Variants in MMD2 observed in about 807,000 individuals in gnomAD.
The protein encoded by MMD2 is monocyte to macrophage differentiation associated 2.
In MMD2, 30 loss-of-function variants were observed where a neutral mutation model predicts 33.5. The observed-to-expected ratio is 0.90, with a 90% CI of 0.67 to 1.22. The LOEUF (loss-of-function observed/expected upper bound fraction) is 1.22, where lower values mean the gene tolerates loss of function less well. MMD2 is among the 50% of genes most tolerant of loss of function. The pLI is 0.00. For missense variants in MMD2, 364 were observed against 325.4 expected, an observed-to-expected ratio of 1.12 and a Z score of -0.91; for synonymous variants, 129 against 123.0, an observed-to-expected ratio of 1.05 and a Z score of -0.32.
chr7:4,958,584 A>ACCGAGCGTAACTGC (rs1786452560), intron 1 of MMD2, among the ~76,000 whole-genome samples: 1 of 152,122 alleles, frequency 6.6e-6, no homozygotes, highest in Non-Finnish European at 1.5e-5. Flanking sequence ...CCCAAGAGAG[A>ACCGAGCGTAACTGC]CCGAGCGTAA....
chr7:4,949,966 G>A (rs67437932), intron 1 of MMD2, among the ~76,000 whole-genome samples: 18,909 of 151,994 alleles, frequency 0.12, 1,456 homozygotes, highest in East Asian at 0.33. Flanking sequence ...TACCATTTCC[G>A]GCTAGGTATT....
intron 4 of MMD2, among the ~76,000 whole-genome samples, chr7:4,915,423 T>G (rs965557271): frequency 4.6e-5 from 7 of 152,034 alleles, no homozygotes; most frequent in Non-Finnish European, 8.8e-5. Context: ...TAGACACATA[T>G]GCATACATAT....
intron 3 of MMD2, among the ~76,000 whole-genome samples, chr7:4,918,550 C>G (rs1216034427): frequency 6.9e-6 from 1 of 145,356 alleles, no homozygotes; most frequent in Non-Finnish European, 1.5e-5. Flanking sequence ...GTGGCACTAT[C>G]TAGACTCACT....
chr7:4,919,524 TACCACTGC>T (rs1785221209), intron 3 of MMD2, among the ~76,000 whole-genome samples: 1 of 151,980 alleles, frequency 6.6e-6, no homozygotes. Context: ...GCTGAGACTG[TACCACTGC>T]ACTCCAGCCT....
intron 1 of MMD2, among the ~76,000 whole-genome samples, chr7:4,931,863 C>T (rs1386715891): frequency 2.0e-5 from 3 of 152,150 alleles, no homozygotes; most frequent in African/African-American, 7.2e-5. Context: ...CCGTGCCCGG[C>T]CTCACAGTAT....
At chr7:4,893,060 T>C in the MMD2 span, among the ~76,000 whole-genome samples, 1 of 152,050 alleles carries the variant, frequency 6.6e-6, no homozygotes. Flanking sequence ...ATAGATCCCA[T>C]CCTATGCACT....
chr7:4,924,148 C>T (rs546363966), intron 2 of MMD2, among the ~76,000 whole-genome samples: 1 of 152,230 alleles, frequency 6.6e-6, no homozygotes, highest in Non-Finnish European at 1.5e-5. Flanking sequence ...GCCGAGATCG[C>T]ACCACTGCAC....
Position 4,946,183 on chromosome 7 carries a change from A to G in MMD2, c.47+12788T>C, listed in dbSNP as rs2344728. ...CGCACACCTGCACACATGCACACACACGCGCGCACACCCACACACACGCAT... is the reference window on the plus strand; with the variant it reads ...CGCACACCTGCACACATGCACACACGCGCGCGCACACCCACACACACGCAT... On this transcript the variant is annotated intron_variant, in intron 1 of 6. Coordinates refer to ENST00000401401, the MANE Select transcript of MMD2 (RefSeq NM_198403.4). This position sits in a 1 kb window ranked among gnomAD's most constrained non-coding sequence, Gnocchi z 5.0. 0.31 allele frequency among the ~76,000 whole-genome samples: 47,456 copies of G among 150,918 alleles called. 7,619 individuals are homozygous for G. Among genetic ancestry groups the G allele is most frequent in the African/African-American group, 0.39 (16,093 of 41,092 alleles).
At position 4,907,100 on chromosome 7, in the gene MMD2, C is replaced by T. The variant is rs1453365591; in HGVS notation, c.*296G>A. ...GATTGGCCCGTCATTCCCCAATTTT[C>T]CAGGACCATGCCTGCTTCCTTTTCT... On this transcript the variant is annotated 3_prime_UTR_variant, in exon 7 of 7. Coordinates refer to ENST00000401401, the MANE Select transcript of MMD2 (RefSeq NM_198403.4). 5.3e-6 allele frequency: 2 copies of T among 375,456 alleles called. No individual in the cohort carries two copies. Among genetic ancestry groups the T allele is most frequent in the African/African-American group, 2.1e-5 (1 of 48,530 alleles). 23.3% of individuals were successfully genotyped at this position (375,456 alleles called of 1,614,324 possible). A position where few individuals can be genotyped will look rare whatever the true frequency, so the allele number is the denominator to read the frequency against.
intron 6 of MMD2, among the ~76,000 whole-genome samples, chr7:4,909,146 A>T (rs1427765385): frequency 6.6e-6 from 1 of 152,164 alleles, no homozygotes; most frequent in Non-Finnish European, 1.5e-5. Context: ...AAAAAGTAGT[A>T]GTCCTGGCCC....
At chr7:4,924,743 C>T (rs1021024020) in intron 2 of MMD2, among the ~76,000 whole-genome samples, 1 of 152,090 alleles carries the variant, frequency 6.6e-6, no homozygotes. Context: ...AAGAAATATT[C>T]CCGGTGACAG....
intron 1 of MMD2, among the ~76,000 whole-genome samples, chr7:4,929,839 C>G (rs1217533532): frequency 6.6e-6 from 1 of 152,004 alleles, no homozygotes; most frequent in African/African-American, 2.4e-5. Flanking sequence ...GGCTTATTAA[C>G]TAATAAGTAA....
intron 1 of MMD2, among the ~76,000 whole-genome samples, chr7:4,930,790 C>T (rs1298326078): frequency 6.6e-6 from 1 of 152,210 alleles, no homozygotes; most frequent in African/African-American, 2.4e-5. Context: ...GTGTCGTCAC[C>T]TGTGATTCCA....
intron 4 of MMD2, among the ~76,000 whole-genome samples, chr7:4,912,678 C>T (rs1785046083): frequency 1.3e-5 from 2 of 151,776 alleles, no homozygotes; most frequent in Admixed American, 1.3e-4. Flanking sequence ...GGAAGAGGGT[C>T]CTTTAAGTTT....
At chr7:4,910,958 A>G (rs1317401838) in intron 5 of MMD2, among the ~76,000 whole-genome samples, 187 bp downstream of exon 5, 1 of 152,056 alleles carries the variant, frequency 6.6e-6, no homozygotes, top group Non-Finnish European at 1.5e-5. Context: ...TGTCTTTTTG[A>G]CAACTTCAAG....
intron 1 of MMD2, among the ~76,000 whole-genome samples, chr7:4,944,993 T>A (rs1319366832): frequency 2.0e-5 from 3 of 150,934 alleles, no homozygotes; most frequent in Non-Finnish European, 4.4e-5. Flanking sequence ...ATGCTCTTTC[T>A]TCTTTTTCTT....
At chr7:4,944,477 G>A (rs1035713477) in intron 1 of MMD2, among the ~76,000 whole-genome samples, 1 of 152,142 alleles carries the variant, frequency 6.6e-6, no homozygotes, top group African/African-American at 2.4e-5. Flanking sequence ...CTGTGGAGCA[G>A]GCTCCGGAGT....
chr7:4,955,389 T>C (rs1391393650), intron 1 of MMD2, among the ~76,000 whole-genome samples: 1 of 152,104 alleles, frequency 6.6e-6, no homozygotes, highest in African/African-American at 2.4e-5. Context: ...AAACAGAGAC[T>C]CCAAGAAGGA....
chr7:4,928,259 T>C (rs1416583447), intron 1 of MMD2, among the ~76,000 whole-genome samples: 2 of 152,214 alleles, frequency 1.3e-5, no homozygotes, highest in Non-Finnish European at 2.9e-5. Flanking sequence ...AATGACTCCA[T>C]GCAGTATATA....
Sources: allele counts gnomAD v4.1 joint callset (sites outside exome capture counted in the v4.1 genomes callset), GRCh38; gene constraint gnomAD v4.1.1; non-coding constraint Gnocchi (gnomAD v3.1); transcripts MANE v1.5; gene names NCBI Gene and HGNC (gene_info 2026-07-23, HGNC 2026-07-21).